The following RABGAP1L variants were observed in gnomAD, a reference collection of about 807,000 sequenced individuals.
RABGAP1L encodes the protein rab GTPase-activating protein 1-like.
A neutral mutation model predicts 137.7 loss-of-function variants in RABGAP1L; 63 were observed. The ratio of observed to expected loss-of-function variants is 0.46; its 90% CI spans 0.37 to 0.56. The LOEUF is 0.56. Ranked by LOEUF, RABGAP1L falls within the 20% of genes least tolerant of loss-of-function variation. RABGAP1L has a pLI of 0.00. For missense variants in RABGAP1L, 1,095 were observed against 1,244.0 expected (o/e 0.88, Z 1.80); for synonymous variants, 431 against 433.7 (o/e 0.99, Z 0.08).
intron 13 of RABGAP1L, among the ~76,000 whole-genome samples, chr1:174,550,980 A>C (rs1316315778): frequency 1.1e-5 from 1 of 89,952 alleles, no homozygotes; most frequent in Non-Finnish European, 1.9e-5. Flanking sequence ...ACATGTATAT[A>C]TACATATATA....
intron 13 of RABGAP1L, among the ~76,000 whole-genome samples, chr1:174,445,490 A>T (rs1018456035): frequency 2.6e-5 from 4 of 152,040 alleles, no homozygotes. Context: ...ATTGCTCTGA[A>T]TAGATTTTGG....
At chr1:174,633,405 C>T (rs1202221351) in intron 13 of RABGAP1L, among the ~76,000 whole-genome samples, 1 of 150,798 alleles carries the variant, frequency 6.6e-6, no homozygotes, top group Non-Finnish European at 1.5e-5. Context: ...AATGGAAGAA[C>T]ATTCCATGCT....
rs563544032 is a variant in RABGAP1L, at chr1:174,532,440, C to A, written c.1711-104935C>A. On this transcript the variant is annotated intron_variant, in intron 13 of 25. Transcript: ENST00000681986. ...GCCAGGCTGGTCTTGAACTCCTGAC[C>A]TCATGATCCACCCGCCTCGGCCTTC... 1.9e-3 allele frequency among the ~76,000 whole-genome samples: 291 copies of A among 152,146 alleles called. 3 individuals carry two copies. The highest frequency in any genetic ancestry group is 6.7e-3 in the African/African-American group (277 of 41,540).
Position 174,712,414 on chromosome 1 carries a change from C to T in RABGAP1L, c.2169+10158C>T, listed in dbSNP as rs575109448. On this transcript the variant is annotated intron_variant, in intron 17 of 25. Transcript: ENST00000681986. ...ACTGGGAGGGACGAACAACTCCAGA[C>T]GCGCCACCTTTAAGAACTGTAACAC... Among the ~76,000 whole-genome samples the T allele has an allele frequency of 3.9e-5, 6 of 152,236 alleles. No individual in the cohort carries two copies. In the South Asian group the frequency reaches 1.0e-3, roughly 26 times the overall value.
intron 13 of RABGAP1L, among the ~76,000 whole-genome samples, chr1:174,568,173 G>C (rs1667707822): frequency 1.3e-5 from 2 of 151,980 alleles, no homozygotes; most frequent in African/African-American, 2.4e-5. Flanking sequence ...AGAGCAAGCA[G>C]GGTGGAGAGG....
intron 19 of RABGAP1L, among the ~76,000 whole-genome samples, chr1:174,848,948 C>T (rs1450592505): frequency 7.9e-5 from 12 of 151,884 alleles, no homozygotes; most frequent in Non-Finnish European, 1.3e-4. Flanking sequence ...TTTTTTAAGC[C>T]GGTCTGAAAA....
At chr1:174,172,264 A>G (rs1324557379) in intron 1 of RABGAP1L, among the ~76,000 whole-genome samples, 1 of 149,238 alleles carries the variant, frequency 6.7e-6, no homozygotes, top group Admixed American at 6.8e-5. Flanking sequence ...ACAGACACTT[A>G]GGTTGTTTCC....
At chr1:174,722,362 A>C (rs1440025149) in intron 17 of RABGAP1L, among the ~76,000 whole-genome samples, 2 of 152,208 alleles carry the variant, frequency 1.3e-5, no homozygotes, top group Non-Finnish European at 2.9e-5. Context: ...GTTTTGTTAT[A>C]TGTAAGATGT....
At chr1:174,597,597 T>G (rs1670061298) in intron 13 of RABGAP1L, among the ~76,000 whole-genome samples, 1 of 152,052 alleles carries the variant, frequency 6.6e-6, no homozygotes, top group South Asian at 2.1e-4. Context: ...GTCTTCTCTC[T>G]TTTTTTCTTA....
chr1:174,578,401 G>T (rs957542220), intron 13 of RABGAP1L, among the ~76,000 whole-genome samples: 2 of 151,904 alleles, frequency 1.3e-5, no homozygotes, highest in African/African-American at 4.8e-5. Context: ...GCCCTGGCTG[G>T]TTTCAAAAGC....
chr1:174,219,367 A>G (rs1669584556), intron 2 of RABGAP1L, 72 bp downstream of exon 2: 1 of 1,097,094 alleles, frequency 9.1e-7, no homozygotes. Flanking sequence ...GATGTGTAAA[A>G]TGCAAAGGTT....
intron 13 of RABGAP1L, among the ~76,000 whole-genome samples, chr1:174,619,902 G>A (rs150552355): frequency 0.023 from 3,498 of 152,182 alleles, 62 homozygotes; most frequent in Middle Eastern, 0.085. Context: ...CCCATCTCAC[G>A]TGCAGAGACA....
At position 174,610,323 on chromosome 1, in the gene RABGAP1L, G is replaced by C. The variant is rs1442785079; in HGVS notation, c.1711-27052G>C. ...ATGCAGTGTTTGGTTTTTTGTCCTT[G>C]TGATAGTTTACTGAGAATGATGATT... On this transcript the variant is annotated intron_variant, in intron 13 of 25. Coordinates refer to ENST00000681986, the MANE Select transcript of RABGAP1L (RefSeq NM_001366446.1). 8.7e-5 allele frequency among the ~76,000 whole-genome samples: 13 copies of C among 149,982 alleles called. 1 individual carries two copies. The South Asian group carries it at 2.5e-3, about 29-fold the overall frequency.
At chr1:174,663,777 A>G (rs1417356705) in intron 14 of RABGAP1L, among the ~76,000 whole-genome samples, 1 of 152,208 alleles carries the variant, frequency 6.6e-6, no homozygotes, top group Non-Finnish European at 1.5e-5. Context: ...CACACATTTC[A>G]AGTTCAGGTG....
intron 11 of RABGAP1L, among the ~76,000 whole-genome samples, chr1:174,349,009 C>T (rs375576545): frequency 0.24 from 34,730 of 142,594 alleles, 2,026 homozygotes; most frequent in African/African-American, 0.34. Context: ...CGGGCAGAGG[C>T]GCCCCTCACC....
At chr1:174,195,702 TTCC>T (rs1366330040) in intron 1 of RABGAP1L, among the ~76,000 whole-genome samples, 4 of 112,284 alleles carry the variant, frequency 3.6e-5, no homozygotes, top group African/African-American at 1.7e-4. Flanking sequence ...CTTTCCTTCT[TTCC>T]TTCTTTCTTT....
intron 13 of RABGAP1L, among the ~76,000 whole-genome samples, chr1:174,450,623 T>C (rs1478783488): frequency 6.6e-6 from 1 of 152,190 alleles, no homozygotes; most frequent in African/African-American, 2.4e-5. Flanking sequence ...ATGCAGAGAT[T>C]AACTTATTTT....
In RABGAP1L at chr1:174,646,595, G is replaced by C. The variant is rs553555720; in HGVS notation, c.1824+9107G>C. ...ATATCTGTTTTGATACCAGTACCAT[G>C]CTGTTTTCGTTACTGTAGCCTTGTA... On this transcript the variant is annotated intron_variant, in intron 14 of 25. Transcript: ENST00000681986. 2.0e-5 allele frequency among the ~76,000 whole-genome samples: 3 copies of C among 152,134 alleles called. No individual in the cohort carries two copies. The South Asian group carries it at 6.2e-4, about 32-fold the overall frequency.
intron 18 of RABGAP1L, among the ~76,000 whole-genome samples, chr1:174,776,144 C>G (rs1209239341): frequency 3.9e-5 from 6 of 152,040 alleles, no homozygotes; most frequent in African/African-American, 1.4e-4. Flanking sequence ...CCAAGGCAGG[C>G]AGATAACTTG....
Sources: gnomAD v4.1 joint callset for allele counts (sites outside exome capture counted in the v4.1 genomes callset) on GRCh38, gnomAD v4.1.1 for gene constraint, MANE v1.5 for transcripts, NCBI Gene and HGNC (gene_info 2026-07-23, HGNC 2026-07-21) for gene names.